Variants in CYP2J2 observed in about 807,000 individuals in gnomAD.
CYP2J2 encodes cytochrome P450 2J2.
A neutral mutation model predicts 48.8 loss-of-function variants in CYP2J2; 41 were observed. That is an observed-to-expected ratio of 0.84 (90% confidence interval 0.66 to 1.09). The LOEUF is 1.09. Among genes scored for constraint, CYP2J2 ranks in the 50% least tolerant of loss-of-function variants. CYP2J2 has a pLI of 0.00. For missense variants in CYP2J2, 644 were observed against 617.3 expected (o/e 1.04, Z -0.46); for synonymous variants, 221 against 227.1 (o/e 0.97, Z 0.24).
chr1:59,914,903 C>T (rs1256169171), intron 2 of CYP2J2, among the ~76,000 whole-genome samples: 6 of 152,292 alleles, frequency 3.9e-5, no homozygotes, highest in East Asian at 1.9e-4. Flanking sequence ...GTATAAAACC[C>T]GATTGTACAT....
the CYP2J2 span, among the ~76,000 whole-genome samples, chr1:59,932,939 G>T: frequency 6.6e-6 from 1 of 152,096 alleles, no homozygotes; most frequent in South Asian, 2.1e-4. Context: ...GACCTCTAGT[G>T]ATCTGCCCTC....
At chr1:59,960,991 T>G in the CYP2J2 span, among the ~76,000 whole-genome samples, 52 of 152,148 alleles carry the variant, frequency 3.4e-4, no homozygotes, top group Non-Finnish European at 1.0e-4. Flanking sequence ...AAAAATTAAC[T>G]AAGTGAATCA....
the CYP2J2 span, among the ~76,000 whole-genome samples, chr1:59,958,954 T>G: frequency 6.6e-6 from 1 of 152,176 alleles, no homozygotes. Flanking sequence ...TTCATTCACT[T>G]ACCTTATCTG....
At chr1:59,947,227 A>G in the CYP2J2 span, among the ~76,000 whole-genome samples, 6 of 152,348 alleles carry the variant, frequency 3.9e-5, no homozygotes, top group Admixed American at 2.0e-4. Flanking sequence ...AAAGCAAAAC[A>G]GTGCATGGTC....
chr1:59,966,769 C>T, the CYP2J2 span, among the ~76,000 whole-genome samples: 17 of 152,168 alleles, frequency 1.1e-4, no homozygotes, highest in African/African-American at 4.1e-4. Flanking sequence ...ACTGTCTTCA[C>T]ACACCAGCTA....
the CYP2J2 span, among the ~76,000 whole-genome samples, chr1:59,948,504 TA>T: frequency 1.3e-5 from 2 of 152,182 alleles, no homozygotes; most frequent in African/African-American, 4.8e-5. Context: ...CATACAAAAA[TA>T]AAAATTAAAA....
At chr1:59,953,063 G>T in the CYP2J2 span, among the ~76,000 whole-genome samples, 6 of 152,156 alleles carry the variant, frequency 3.9e-5, no homozygotes, top group African/African-American at 1.4e-4. Context: ...TCAAGGAAAA[G>T]CTCTCCTCTG....
the CYP2J2 span, among the ~76,000 whole-genome samples, chr1:59,943,154 G>A: frequency 6.6e-6 from 1 of 152,130 alleles, no homozygotes; most frequent in Non-Finnish European, 1.5e-5. Context: ...GATTATTCAG[G>A]TCTGATGATT....
chr1:59,934,993 T>G, the CYP2J2 span, among the ~76,000 whole-genome samples: 5 of 42,338 alleles, frequency 1.2e-4, no homozygotes, highest in Admixed American at 5.7e-4. Flanking sequence ...AAATGGGATA[T>G]ATATATATAT....
rs11572241 is a variant in CYP2J2, at chr1:59,916,715, A to G, written c.211-615T>C. ...GCCATGGCACTCCAACTTGGGTGAC[A>G]GAGTGAAAGCCTGTCTCAATATATA... On this transcript the variant is annotated intron_variant, in intron 1 of 8. Transcript: ENST00000371204. 1.2e-3 allele frequency among the ~76,000 whole-genome samples: 177 copies of G among 152,270 alleles called. 3 individuals carry two copies. The East Asian group carries it at 0.012, about 10-fold the overall frequency.
chr1:59,943,523 G>A, the CYP2J2 span, among the ~76,000 whole-genome samples: 7,715 of 152,226 alleles, frequency 0.051, 469 homozygotes, highest in African/African-American at 0.14. Flanking sequence ...CAGGCTACAG[G>A]TAAACAAGTC....
chr1:59,940,799 A>C, the CYP2J2 span, among the ~76,000 whole-genome samples: 1 of 152,202 alleles, frequency 6.6e-6, no homozygotes, highest in African/African-American at 2.4e-5. Flanking sequence ...ATGGAAAACT[A>C]TTTGCCCATA....
the CYP2J2 span, among the ~76,000 whole-genome samples, chr1:59,968,770 CCT>C: frequency 6.6e-6 from 1 of 152,198 alleles, no homozygotes; most frequent in Non-Finnish European, 1.5e-5. Context: ...TGAGCATGTG[CCT>C]CTCCGAGCTG....
Position 59,901,008 on chromosome 1 carries a change from A to G in CYP2J2, c.1287T>C (p.Asn429=), listed in dbSNP as rs745409009. The change falls in exon 8 of 9, where the codon AAT becomes AAC. Residue 429 remains asparagine, a synonymous_variant. Transcript: ENST00000371204. ...DTFNPDHFLE[N]GQFKKREAFM... is the part of the protein sequence containing the mutation. ...AGGCTTCCCTTTTCTTAAACTGTCC[A>G]TTCTCCAGAAAATGGTCCGGATTGA... 2 of 1,614,196 alleles carry G rather than the reference A, an allele frequency of 1.2e-6. No individual in the cohort carries two copies. The highest frequency in any genetic ancestry group is 2.2e-5 in the East Asian group (1 of 44,874).
the CYP2J2 span, among the ~76,000 whole-genome samples, chr1:59,953,573 T>G: frequency 6.6e-6 from 1 of 152,032 alleles, no homozygotes; most frequent in Non-Finnish European, 1.5e-5. Context: ...TGCATGCTTT[T>G]AAGTTAGACA....
chr1:59,960,346 T>C, the CYP2J2 span, among the ~76,000 whole-genome samples: 2 of 152,178 alleles, frequency 1.3e-5, no homozygotes, highest in African/African-American at 2.4e-5. Flanking sequence ...GGAGAAATTA[T>C]ACAAATTAAC....
At chr1:59,902,032 C>A (rs1644324331) in intron 7 of CYP2J2, among the ~76,000 whole-genome samples, 1 of 152,216 alleles carries the variant, frequency 6.6e-6, no homozygotes, top group East Asian at 1.9e-4. Context: ...TGCACTCCCA[C>A]TACAGGGCTC....
At chr1:59,967,926 G>T in the CYP2J2 span, among the ~76,000 whole-genome samples, 3 of 152,110 alleles carry the variant, frequency 2.0e-5, no homozygotes, top group African/African-American at 7.2e-5. Context: ...ACAGCTGCAC[G>T]GTCTACCAAC....
intron 8 of CYP2J2, among the ~76,000 whole-genome samples, chr1:59,896,767 T>TA (rs1644273427): frequency 6.6e-6 from 1 of 152,202 alleles, no homozygotes; most frequent in East Asian, 1.9e-4. Flanking sequence ...GCAATAATTT[T>TA]AAAAAGCATG....
Sources: allele counts gnomAD v4.1 joint callset (sites outside exome capture counted in the v4.1 genomes callset), GRCh38; gene constraint gnomAD v4.1.1; transcripts MANE v1.5; gene names NCBI Gene and HGNC (gene_info 2026-07-23, HGNC 2026-07-21).